KIAA1217: variants seen among roughly 807,000 people sequenced by gnomAD.
KIAA1217 encodes sickle tail protein homolog.
In KIAA1217, 88 loss-of-function variants were observed where a neutral mutation model predicts 163.9. That is an observed-to-expected ratio of 0.54 (90% confidence interval 0.45 to 0.64). The LOEUF is 0.64. Ranked by LOEUF, KIAA1217 falls within the 30% of genes least tolerant of loss-of-function variation. The pLI is 0.00. For synonymous variants in KIAA1217, 903 were observed against 923.1 expected (o/e 0.98, Z 0.39); for missense variants, 2,372 against 2,475.0 (o/e 0.96, Z 0.88).
chr10:24,288,185 AGTT>A (rs1476376992), intron 2 of KIAA1217, among the ~76,000 whole-genome samples: 3 of 152,138 alleles, frequency 2.0e-5, no homozygotes, highest in African/African-American at 7.2e-5. Context: ...TTTATTTGAA[AGTT>A]GTTGTGATGG....
At chr10:23,732,936 T>C (rs527846467) in intron 1 of KIAA1217, among the ~76,000 whole-genome samples, 1 of 152,172 alleles carries the variant, frequency 6.6e-6, no homozygotes, top group African/African-American at 2.4e-5. Context: ...TTTGGAGAGA[T>C]ACATGATGAT....
chr10:24,049,922 C>T (rs2131579487), intron 2 of KIAA1217, among the ~76,000 whole-genome samples: 1 of 152,274 alleles, frequency 6.6e-6, no homozygotes, highest in African/African-American at 2.4e-5. Flanking sequence ...ACACTCCCAC[C>T]AACAGTATAA....
rs538475784 is a variant in KIAA1217 at position 23,942,491 on chromosome 10, C to T, written c.-320-64734C>T. The stretch of plus-strand genomic sequence containing the variant: ...TGATTTCAGATCATCAGAAATTATA[C>T]GTTATGAAAAGTAGAGTTAACAAAC... On this transcript the variant is annotated intron_variant, in intron 1 of 18. Transcript: ENST00000376462. Among the ~76,000 whole-genome samples, 12 of 152,234 alleles carry T rather than the reference C, an allele frequency of 7.9e-5. No homozygotes were observed. In the South Asian group the frequency reaches 1.0e-3, roughly 13 times the overall value.
chr10:24,217,575 C>A (rs796813414), intron 1 of KIAA1217, among the ~76,000 whole-genome samples: 27 of 152,316 alleles, frequency 1.8e-4, no homozygotes, highest in African/African-American at 6.0e-4. Context: ...TCTGCCCAAC[C>A]AACGGGCATC....
At chr10:24,094,489 A>T (rs1447556654) in intron 2 of KIAA1217, among the ~76,000 whole-genome samples, 1 of 152,214 alleles carries the variant, frequency 6.6e-6, no homozygotes, top group Non-Finnish European at 1.5e-5. Flanking sequence ...AGTTTGCTAG[A>T]GGTCCACTCC....
rs533944143 is a variant in KIAA1217 at position 24,375,563 on chromosome 10, G to T, written c.355-5306G>T. The stretch of plus-strand genomic sequence containing the variant: ...AGAATGTTCTCTTCAACTGAAATCA[G>T]AATTTTGACTGGGTTTGAGTTGAAA... On this transcript the variant is annotated intron_variant, in intron 2 of 20. Transcript: ENST00000376454. Among the ~76,000 whole-genome samples the T allele has an allele frequency of 2.0e-5, 3 of 152,288 alleles. No homozygotes were observed. The East Asian group carries it at 5.8e-4, about 29-fold the overall frequency.
chr10:23,945,687 T>C (rs1247351483), intron 1 of KIAA1217, among the ~76,000 whole-genome samples: 3 of 152,186 alleles, frequency 2.0e-5, no homozygotes, highest in Non-Finnish European at 4.4e-5. Context: ...GTTTTTTAAA[T>C]CAAATGTTGT....
At chr10:24,177,271 ATATATATATATATATATATATATATATT>A (rs1401740542) in intron 2 of KIAA1217, among the ~76,000 whole-genome samples, 6 of 93,154 alleles carry the variant, frequency 6.4e-5, no homozygotes, top group African/African-American at 1.1e-4. Flanking sequence ...ATATATATAT[ATATATATATATATATATATATATATATT>A]ACAATTTCTT....
intron 5 of KIAA1217, among the ~76,000 whole-genome samples, chr10:24,439,600 G>A (rs575541760): frequency 6.6e-6 from 1 of 151,298 alleles, no homozygotes; most frequent in African/African-American, 2.4e-5. Context: ...GACATAAGGG[G>A]TCACCAGCAG....
At chr10:24,162,425 G>A (rs1366886411) in intron 2 of KIAA1217, among the ~76,000 whole-genome samples, 1 of 152,196 alleles carries the variant, frequency 6.6e-6, no homozygotes, top group African/African-American at 2.4e-5. Context: ...GTTGGCATTT[G>A]GCAGAAACAT....
chr10:24,204,779 T>C (rs2067456236), upstream of KIAA1217, among the ~76,000 whole-genome samples: 2 of 152,244 alleles, frequency 1.3e-5, no homozygotes, highest in Admixed American at 6.5e-5. Context: ...ACATTTCACA[T>C]GCGCCAGATC....
chr10:23,776,700 C>A (rs12266547), intron 1 of KIAA1217, among the ~76,000 whole-genome samples: 8,718 of 85,832 alleles, frequency 0.1, 411 homozygotes, highest in African/African-American at 0.2. Context: ...TTTTTTTTTG[C>A]GACAGAGTCT....
chr10:24,414,140 A>G (rs2058038229), intron 3 of KIAA1217, among the ~76,000 whole-genome samples: 1 of 152,190 alleles, frequency 6.6e-6, no homozygotes. Context: ...CTCTATTCCT[A>G]AAGAATTTAT....
Position 24,445,786 on chromosome 10 carries a change from G to A in KIAA1217, c.846+7307G>A, listed in dbSNP as rs546725636. The stretch of plus-strand genomic sequence containing the variant: ...TTCTTAATCCAGTCTATCCTTGTTG[G>A]ACATTTGGGTTGGTTCCAAGTCTTT... On this transcript the variant is annotated intron_variant, in intron 5 of 20. Transcript: ENST00000376454. 3.4e-3 allele frequency among the ~76,000 whole-genome samples: 524 copies of A among 152,026 alleles called. 5 individuals are homozygous for A. Among genetic ancestry groups the A allele is most frequent in the African/African-American group, 0.012 (489 of 41,444 alleles).
chr10:24,448,246 T>G (rs927281656), intron 5 of KIAA1217, among the ~76,000 whole-genome samples: 5 of 151,326 alleles, frequency 3.3e-5, no homozygotes, highest in African/African-American at 1.2e-4. Context: ...TTTTTTTGCG[T>G]GGGGGGGGCT....
chr10:23,834,956 A>G (rs1180603042), intron 1 of KIAA1217, among the ~76,000 whole-genome samples: 1 of 152,168 alleles, frequency 6.6e-6, no homozygotes, highest in Non-Finnish European at 1.5e-5. Flanking sequence ...TGAAATGACT[A>G]TCAAATATCC....
chr10:23,949,078 C>T (rs150332275), intron 1 of KIAA1217, among the ~76,000 whole-genome samples: 2 of 152,260 alleles, frequency 1.3e-5, no homozygotes, highest in African/African-American at 2.4e-5. Context: ...AGAGAACTGG[C>T]GGAATCAGAG....
At chr10:24,131,189 T>C (rs1373955500) in intron 2 of KIAA1217, among the ~76,000 whole-genome samples, 3 of 152,200 alleles carry the variant, frequency 2.0e-5, no homozygotes, top group Non-Finnish European at 2.9e-5. Flanking sequence ...TTTTAAACTC[T>C]TCAGACCTAG....
In KIAA1217 at chr10:24,426,466, A is replaced by C. The variant is rs61366545; in HGVS notation, c.554-6529A>C. ...CCAAAACCCCGTCTCTACTAAAAAA[A>C]TACAAAAATTAGCCGGACATGGGGG... On this transcript the variant is annotated intron_variant, in intron 3 of 20. Coordinates refer to ENST00000376454, the MANE Select transcript of KIAA1217 (RefSeq NM_019590.5). 3.9e-3 allele frequency among the ~76,000 whole-genome samples: 592 copies of C among 152,304 alleles called. 5 individuals are homozygous for C. Among genetic ancestry groups the C allele is most frequent in the African/African-American group, 0.013 (549 of 41,572 alleles).
Sources: gnomAD v4.1 joint callset for allele counts (sites outside exome capture counted in the v4.1 genomes callset) on GRCh38, gnomAD v4.1.1 for gene constraint, MANE v1.5 for transcripts, NCBI Gene and HGNC (gene_info 2026-07-23, HGNC 2026-07-21) for gene names.